ELMOD1: variants seen among roughly 807,000 people sequenced by gnomAD.
The protein encoded by ELMOD1 is ELMO domain-containing protein 1.
A neutral mutation model predicts 46.7 loss-of-function variants in ELMOD1; 21 were observed. The observed-to-expected ratio is 0.45, with a 90% CI of 0.32 to 0.65. The LOEUF is 0.65. Among genes scored for constraint, ELMOD1 ranks in the 30% least tolerant of loss-of-function variants. The pLI, the probability that ELMOD1 is intolerant of heterozygous loss-of-function variation, is 0.04. For missense variants in ELMOD1, 348 were observed against 407.8 expected (o/e 0.85, Z 1.26); for synonymous variants, 122 against 138.2 (o/e 0.88, Z 0.82).
chr11:107,644,753 C>T (rs987091492), intron 6 of ELMOD1, among the ~76,000 whole-genome samples: 41 of 152,126 alleles, frequency 2.7e-4, no homozygotes, highest in Non-Finnish European at 7.4e-5. Context: ...GGATTACAGG[C>T]GTAAGCCACC....
chr11:107,622,107 T>G (rs913728389), intron 2 of ELMOD1, among the ~76,000 whole-genome samples: 2 of 152,152 alleles, frequency 1.3e-5, no homozygotes, highest in African/African-American at 4.8e-5. Context: ...CATACAAAAC[T>G]AAGATATATA....
In ELMOD1 at chr11:107,611,532, C is replaced by T. The variant is rs549027495; in HGVS notation, c.-85-6573C>T. Among the ~76,000 whole-genome samples the T allele has an allele frequency of 1.8e-4, 28 of 151,940 alleles. 2 individuals carry two copies. The South Asian group carries it at 5.8e-3, about 32-fold the overall frequency. ...TGGCTAACACGGTGAAACCTCATCT[C>T]TACTAAAAATATTTTTTAAAAAATT... On this transcript the variant is annotated intron_variant, in intron 1 of 11. Coordinates refer to ENST00000265840, the MANE Select transcript of ELMOD1 (RefSeq NM_018712.4).
At chr11:107,645,182 C>G (rs1252333406) in intron 6 of ELMOD1, among the ~76,000 whole-genome samples, 1 of 151,152 alleles carries the variant, frequency 6.6e-6, no homozygotes, top group African/African-American at 2.4e-5. Context: ...CGTGATCCAC[C>G]CGCCTCTACC....
chr11:107,625,987 A>T (rs1161650292), intron 2 of ELMOD1, among the ~76,000 whole-genome samples: 3 of 152,262 alleles, frequency 2.0e-5, no homozygotes, highest in East Asian at 3.9e-4. Context: ...ATAAACAAAA[A>T]AACTGCTGCC....
intron 1 of ELMOD1, chr11:107,591,862 C>G (rs1175539499): frequency 2.1e-6 from 1 of 480,476 alleles, no homozygotes; most frequent in African/African-American, 2.0e-5. Context: ...AGCTAGGCAG[C>G]CGGGCTGCGG....
chr11:107,643,059 T>C, intron 6 of ELMOD1: 1 of 232,006 alleles, frequency 4.3e-6, no homozygotes. Flanking sequence ...AAGAAGCATG[T>C]GGCCAGGCAC....
intron 1 of ELMOD1, chr11:107,600,334 T>C (rs571099513): frequency 6.0e-4 from 91 of 152,302 alleles, no homozygotes; most frequent in African/African-American, 2.1e-3. Context: ...AGTTTTAAGC[T>C]ACTTTAGTCT....
rs12225066 is a variant in ELMOD1 at position 107,654,545 on chromosome 11, G to A, written c.698+323G>A. ...AGCACTTTGGGAGGCCGAGGCGGGC[G>A]GATCACGAGGTCAGGAGATCGAGAC... On this transcript the variant is annotated intron_variant, in intron 10 of 11. Transcript: ENST00000265840. 1.1e-4 allele frequency among the ~76,000 whole-genome samples: 17 copies of A among 152,092 alleles called. No individual in the cohort carries two copies. The East Asian group carries it at 1.7e-3, about 16-fold the overall frequency.
chr11:107,593,863 T>C (rs1865447284), intron 1 of ELMOD1, among the ~76,000 whole-genome samples: 1 of 152,310 alleles, frequency 6.6e-6, no homozygotes, highest in African/African-American at 2.4e-5. Flanking sequence ...GGGTCATTTA[T>C]GGGTTGAAAA....
At chr11:107,602,444 A>G (rs190813450) in intron 1 of ELMOD1, among the ~76,000 whole-genome samples, 1 of 152,190 alleles carries the variant, frequency 6.6e-6, no homozygotes, top group Admixed American at 6.5e-5. Flanking sequence ...TTCTCTCTAG[A>G]ATATCTGTTA....
chr11:107,643,944 A>C (rs1191185193), intron 6 of ELMOD1: 1 of 162,290 alleles, frequency 6.2e-6, no homozygotes, highest in Non-Finnish European at 1.3e-5. Flanking sequence ...TTCATGATCC[A>C]TAAAATTATT....
intron 2 of ELMOD1, among the ~76,000 whole-genome samples, chr11:107,628,620 G>T (rs1866085115): frequency 6.6e-6 from 1 of 151,318 alleles, no homozygotes. Flanking sequence ...TATTTGACTA[G>T]AACAGTTGAA....
intron 7 of ELMOD1, among the ~76,000 whole-genome samples, chr11:107,649,416 C>T (rs1039538338): frequency 3.9e-5 from 6 of 152,006 alleles, no homozygotes; most frequent in Non-Finnish European, 7.4e-5. Flanking sequence ...CAAAGTAAAA[C>T]GAGATAAGAC....
intron 1 of ELMOD1, chr11:107,591,617 T>C (rs1865392757): frequency 3.0e-6 from 1 of 337,738 alleles, no homozygotes; most frequent in Non-Finnish European, 6.1e-6. Context: ...GACAGTGATT[T>C]CCCCTTCTAT....
At chr11:107,620,847 A>T (rs775477077) in intron 2 of ELMOD1, among the ~76,000 whole-genome samples, 8 of 152,254 alleles carry the variant, frequency 5.3e-5, no homozygotes, top group Non-Finnish European at 1.0e-4. Context: ...CTGGCAAAAG[A>T]GCGAGACTCC....
At chr11:107,598,232 G>A (rs975193220) in intron 1 of ELMOD1, among the ~76,000 whole-genome samples, 1 of 152,170 alleles carries the variant, frequency 6.6e-6, no homozygotes, top group Non-Finnish European at 1.5e-5. Context: ...ACAATCTGCT[G>A]TCTGCAAACT....
At chr11:107,628,653 CTT>C (rs573184864) in intron 2 of ELMOD1, among the ~76,000 whole-genome samples, 96 of 151,284 alleles carry the variant, frequency 6.3e-4, no homozygotes, top group African/African-American at 2.2e-3. Flanking sequence ...CCATTTTTGT[CTT>C]TCCGCAGAAT....
In ELMOD1 at chr11:107,630,684, G is replaced by C. The variant is rs1347047347; in HGVS notation, c.164-16G>C. On this transcript the variant is annotated splice_polypyrimidine_tract_variant and intron_variant, in intron 3 of 11. Transcript: ENST00000265840. ...GGATAATCTTTGAATGACTGTTTTT[G>C]TTGCTGCTTTCACAGAAACATCACT... 1.2e-6 allele frequency: 2 copies of C among 1,607,896 alleles called. No homozygotes were observed. The highest frequency in any genetic ancestry group is 1.7e-5 in the Admixed American group (1 of 59,052).
chr11:107,642,826 C>T, intron 6 of ELMOD1: 1 of 218,188 alleles, frequency 4.6e-6, no homozygotes, highest in South Asian at 7.7e-5. Flanking sequence ...TAAAATGATA[C>T]ATACCGTACA....
Sources: gnomAD v4.1 joint callset for allele counts (sites outside exome capture counted in the v4.1 genomes callset) on GRCh38, gnomAD v4.1.1 for gene constraint, MANE v1.5 for transcripts, NCBI Gene and HGNC (gene_info 2026-07-23, HGNC 2026-07-21) for gene names.